Variants in P3H3 observed in about 807,000 individuals in gnomAD.
P3H3 encodes the protein gene rich cluster, B.
P3H3 carries 64 observed loss-of-function variants against 78.1 expected under a neutral mutation model. The ratio of observed to expected loss-of-function variants is 0.82; its 90% confidence interval spans 0.67 to 1.01. The LOEUF (loss-of-function observed/expected upper bound fraction) is 1.01, where lower values mean the gene tolerates loss of function less well. Ranked by LOEUF, P3H3 falls within the 50% of genes least tolerant of loss-of-function variation. The probability of loss-of-function intolerance (pLI) is 0.00; values close to 1 mark genes in which losing one functional copy is unlikely to be tolerated. For synonymous variants in P3H3, 425 were observed against 416.7 expected (o/e 1.02, Z -0.24); for missense variants, 975 against 982.2 (o/e 0.99, Z 0.10).
rs1486412733 is a variant in P3H3 at position 6,831,459 on chromosome 12, T to A, written c.1122+107T>A. On this transcript the variant is annotated intron_variant, in intron 5 of 14. Coordinates refer to ENST00000290510, the MANE Select transcript of P3H3 (RefSeq NM_014262.5). The surrounding 1 kb of genome is among the most constrained non-coding windows in gnomAD (Gnocchi z 4.6). ...CCGCTGGCCTCTTACCCGAGCACTC[T>A]AGTCACCCAAAGGACTCCAAGTCCA... The A allele has an allele frequency of 1.4e-6, 2 of 1,464,862 alleles. No individual in the cohort carries two copies. Among genetic ancestry groups the A allele is most frequent in the Admixed American group, 2.0e-5 (1 of 49,240 alleles). 90.7% of individuals were successfully genotyped at this position (1,464,862 alleles called of 1,614,324 possible).
In P3H3 at chr12:6,829,299, G is replaced by A. The variant is rs1476583429; in HGVS notation, c.498+361G>A. The A allele has an allele frequency of 1.5e-5, 4 of 262,062 alleles. No homozygotes were observed. The highest frequency in any genetic ancestry group is 2.9e-5 in the Non-Finnish European group (4 of 139,392). 16.2% of individuals were successfully genotyped at this position (262,062 alleles called of 1,614,324 possible). On this transcript the variant is annotated intron_variant, in intron 1 of 14. Transcript: ENST00000290510. This position sits in a 1 kb window ranked among gnomAD's most constrained non-coding sequence, Gnocchi z 5.1. ...TGCGTGGGTGTGTGTGTGTGTCGGG[G>A]GTGGTGGTGAGTGTGAACCTTCGCT...
At chr12:6,837,255 G>A (rs560314393) in intron 10 of P3H3, 168 bp from the exon 11 acceptor site, 183 of 1,054,254 alleles carry the variant, frequency 1.7e-4, no homozygotes, top group Non-Finnish European at 1.9e-4. Flanking sequence ...CTGGGGCCGG[G>A]GTTGTTGTCA....
At chr12:6,838,804 C>G (rs940596191) in intron 13 of P3H3, among the ~76,000 whole-genome samples, 196 bp from the exon 14 acceptor site, 1 of 152,152 alleles carries the variant, frequency 6.6e-6, no homozygotes, top group Non-Finnish European at 1.5e-5. Context: ...GTTCCCAACT[C>G]CTCTTGCATT....
Position 6,829,988 on chromosome 12 carries a change from G to A in P3H3, c.628G>A (p.Asp210Asn). 2.5e-6 allele frequency: 4 copies of A among 1,613,940 alleles called. No individual in the cohort carries two copies. The highest frequency in any genetic ancestry group is 3.4e-6 in the Non-Finnish European group (4 of 1,179,884). The change falls in exon 2 of 15, where the codon GAC (aspartate) becomes AAC (asparagine). Residue 210 changes from aspartate (D) to asparagine (N), a missense_variant. Physicochemically the swap from Asp to Asn is conservative, Grantham distance 23 (BLOSUM62 1). Transcript: ENST00000290510. The surrounding 1 kb of genome is among the most constrained non-coding windows in gnomAD (Gnocchi z 5.1). ...GGGAGTTCGGCCCCAGAGCTTCCGGGACCTGGAGACGCCCCCACACTGGGT... is the reference window on the plus strand; with the variant it reads ...GGGAGTTCGGCCCCAGAGCTTCCGGAACCTGGAGACGCCCCCACACTGGGT... ...MSGVRPQSFR[D>N]LETPPHWAAY...
chr12:6,832,245 A>G (rs1943457212), intron 6 of P3H3, among the ~76,000 whole-genome samples: 1 of 152,238 alleles, frequency 6.6e-6, no homozygotes, highest in South Asian at 2.1e-4. Flanking sequence ...AAGCTCTGTT[A>G]CTGCTGCTTT....
In P3H3 at chr12:6,839,729, CTG is replaced by C; in HGVS notation, c.*269_*270del. The stretch of plus-strand genomic sequence containing the variant: ...GACAGATGGGGAACACTGTGCCTCC[CTG>C]AACAGAAATGGCAGGGGAGGAGGCT... On this transcript the variant is annotated 3_prime_UTR_variant, in exon 15 of 15. Coordinates refer to ENST00000290510, the MANE Select transcript of P3H3 (RefSeq NM_014262.5). The C allele has an allele frequency of 2.1e-6, 1 of 476,544 alleles. No individual in the cohort carries two copies. Among genetic ancestry groups the C allele is most frequent in the Non-Finnish European group, 3.8e-6 (1 of 265,038 alleles). The allele number at this position is 476,544 out of a possible 1,614,324, so 29.5% of individuals were successfully genotyped here.
chr12:6,830,134 C>T, intron 2 of P3H3, 123 bp downstream of exon 2: 4 of 1,305,010 alleles, frequency 3.1e-6, no homozygotes, highest in Non-Finnish European at 4.3e-6. Context: ...CTCAGCGACC[C>T]TGGCTGGGAG....
rs1943467654 is a variant in P3H3, at chr12:6,833,399, T to C, written c.1213-193T>C. Reference sequence around the variant, plus strand: ...AGCCCCTAGCAGATAGTAAGTGCTATATGAGTTATAGTTGTACTTGTTGTT... The same window carrying C: ...AGCCCCTAGCAGATAGTAAGTGCTACATGAGTTATAGTTGTACTTGTTGTT... On this transcript the variant is annotated intron_variant, in intron 6 of 14. Coordinates refer to ENST00000290510, the MANE Select transcript of P3H3 (RefSeq NM_014262.5). 3 of 606,044 alleles carry C rather than the reference T, an allele frequency of 5.0e-6. No individual in the cohort carries two copies. In the East Asian group the frequency reaches 8.4e-5, roughly 17 times the overall value. 37.5% of individuals were successfully genotyped at this position (606,044 alleles called of 1,614,324 possible).
In P3H3 at chr12:6,829,316, A is replaced by C; in HGVS notation, c.498+378A>C. On this transcript the variant is annotated intron_variant, in intron 1 of 14. Coordinates refer to ENST00000290510, the MANE Select transcript of P3H3 (RefSeq NM_014262.5). The surrounding 1 kb of genome is among the most constrained non-coding windows in gnomAD (Gnocchi z 5.1). ...GTGTCGGGGGTGGTGGTGAGTGTGA[A>C]CCTTCGCTTGGGGCAGGAGGTAGCT... is the stretch of plus-strand genomic sequence containing the variant. 1 of 237,800 alleles carries C rather than the reference A, an allele frequency of 4.2e-6. No individual in the cohort carries two copies. The highest frequency in any genetic ancestry group is 8.0e-6 in the Non-Finnish European group (1 of 125,062). 14.7% of individuals were successfully genotyped at this position (237,800 alleles called of 1,614,324 possible). A position where few individuals can be genotyped will look rare whatever the true frequency, so the allele number is the denominator to read the frequency against.
In P3H3 at chr12:6,837,220, G is replaced by A. The variant is rs982371704; in HGVS notation, c.1560+134G>A. 65 of 990,674 alleles carry A rather than the reference G, an allele frequency of 6.6e-5. No homozygotes were observed. In the African/African-American group the frequency reaches 8.8e-4, roughly 13 times the overall value. The allele number at this position is 990,674 out of a possible 1,614,324, so 61.4% of individuals were successfully genotyped here. On this transcript the variant is annotated intron_variant, in intron 10 of 14. Coordinates refer to ENST00000290510, the MANE Select transcript of P3H3 (RefSeq NM_014262.5). Reference sequence around the variant, plus strand: ...CCGAGACTACCTGATAGGACCCAGCGTGGAGAAAAGGGATGTTCTGAGAGC... The same window carrying A: ...CCGAGACTACCTGATAGGACCCAGCATGGAGAAAAGGGATGTTCTGAGAGC...
chr12:6,837,139 C>A, intron 10 of P3H3, 53 bp downstream of exon 10: 1 of 1,482,646 alleles, frequency 6.7e-7, no homozygotes, highest in Non-Finnish European at 9.2e-7. Flanking sequence ...GGAGGAGAGG[C>A]TGTGCAGGAA....
chr12:6,832,506 A>G (rs1304476070), intron 6 of P3H3, among the ~76,000 whole-genome samples: 2 of 152,168 alleles, frequency 1.3e-5, no homozygotes, highest in Non-Finnish European at 2.9e-5. Context: ...ATGGCAATCA[A>G]TGTTTCCACA....
At position 6,829,490 on chromosome 12, in the gene P3H3, A is replaced by T; in HGVS notation, c.499-369A>T. The T allele has an allele frequency of 3.6e-6, 1 of 281,240 alleles. No individual in the cohort carries two copies. The highest frequency in any genetic ancestry group is 6.8e-6 in the Non-Finnish European group (1 of 147,394). 17.4% of individuals were successfully genotyped at this position (281,240 alleles called of 1,614,324 possible). A position where few individuals can be genotyped will look rare whatever the true frequency, so the allele number is the denominator to read the frequency against. On this transcript the variant is annotated intron_variant, in intron 1 of 14. Transcript: ENST00000290510. The surrounding 1 kb of genome is among the most constrained non-coding windows in gnomAD (Gnocchi z 5.1). ...GCGGGGCGCCGGTTGTACTCACCTC[A>T]GCTCAGGGTCCTAGAGACCTGCGGG...
In P3H3 at chr12:6,829,164, G is replaced by A; in HGVS notation, c.498+226G>A. 2.6e-6 allele frequency: 1 copy of A among 392,002 alleles called. No individual in the cohort carries two copies. The highest frequency in any genetic ancestry group is 3.6e-5 in the East Asian group (1 of 27,608). 24.3% of individuals were successfully genotyped at this position (392,002 alleles called of 1,614,324 possible). On this transcript the variant is annotated intron_variant, in intron 1 of 14. Coordinates refer to ENST00000290510, the MANE Select transcript of P3H3 (RefSeq NM_014262.5). The surrounding 1 kb of genome is among the most constrained non-coding windows in gnomAD (Gnocchi z 5.1). Reference sequence around the variant, plus strand: ...GCGAGCAGAATGGGAATGGGGCGGGGAGGTCGTGAGGTGGGACGGGAGCAG... The same window carrying A: ...GCGAGCAGAATGGGAATGGGGCGGGAAGGTCGTGAGGTGGGACGGGAGCAG...
Position 6,839,447 on chromosome 12 carries a change from C to T in P3H3, c.2197C>T (p.Arg733Trp), listed in dbSNP as rs1048589361. The T allele has an allele frequency of 1.5e-5, 24 of 1,551,040 alleles. No homozygotes were observed. In the Admixed American group the frequency reaches 2.9e-4, roughly 19 times the overall value. ...QDKTGRAPRVREEL is the reference protein window; with the variant it reads ...QDKTGRAPRVWEEL ...CAAGACTGGAAGGGCACCTCGGGTTCGGGAGGAGCTGTGAGTGGCTGAGCC... is the reference window on the plus strand; with the variant it reads ...CAAGACTGGAAGGGCACCTCGGGTTTGGGAGGAGCTGTGAGTGGCTGAGCC... Residue 733 changes from arginine to tryptophan, a missense_variant, in exon 15 of 15, where the codon CGG becomes TGG. Transcript: ENST00000290510.
In P3H3 at chr12:6,833,956, C is replaced by T; in HGVS notation, c.1365C>T (p.Thr455=). ...DVLLLEGVTL[T]QDSRQLNGSE... ...TTCTCCTGGAGGGTGTGACCTTGAC[C>T]CAGGATTCCAGGCAGCTGAATGGGT... is the stretch of plus-strand genomic sequence containing the variant. The change falls in exon 9 of 15, where the codon ACC becomes ACT. Residue 455 remains threonine (T), a synonymous_variant. Transcript: ENST00000290510. 6.2e-7 allele frequency: 1 copy of T among 1,613,920 alleles called. No homozygotes were observed. The highest frequency in any genetic ancestry group is 1.1e-5 in the South Asian group (1 of 91,076).
rs1943449643 is a variant in P3H3 at position 6,831,353 on chromosome 12, G to A, written c.1122+1G>A. On this transcript the variant is annotated splice_donor_variant, in intron 5 of 14. Coordinates refer to ENST00000290510, the MANE Select transcript of P3H3 (RefSeq NM_014262.5). LOFTEE classifies it high-confidence loss of function. This position sits in a 1 kb window ranked among gnomAD's most constrained non-coding sequence, Gnocchi z 4.6. ...GAGACCTGGCCTCGGACCCAGAGAG[G>A]TAATCCCCTCTCCACGCTCACCTGG... The A allele has an allele frequency of 1.9e-6, 3 of 1,613,410 alleles. No individual in the cohort carries two copies. The highest frequency in any genetic ancestry group is 2.2e-5 in the East Asian group (1 of 44,874).
rs782802813 is a variant in P3H3, at chr12:6,839,297, G to A, written c.2047G>A (p.Glu683Lys). The A allele has an allele frequency of 4.5e-6, 7 of 1,553,466 alleles. No individual in the cohort carries two copies. The East Asian group carries it at 9.7e-5, about 22-fold the overall frequency. Reference sequence around the variant, plus strand: ...GCCACACTCTCCTCCCCAACCCCAGGAGTGGATAGAAGCCAAAGAACTGCT... The same window carrying A: ...GCCACACTCTCCTCCCCAACCCCAGAAGTGGATAGAAGCCAAAGAACTGCT... The part of the protein sequence containing the change: ...HTWAPEHREQ[E>K]WIEAKELLQE... Residue 683 changes from glutamate to lysine, a missense_variant and splice_region_variant, in exon 15 of 15, where the codon GAG becomes AAG. Transcript: ENST00000290510.
Position 6,831,148 on chromosome 12 carries a change from C to T in P3H3, c.986-68C>T. 1 of 1,601,114 alleles carries T rather than the reference C, an allele frequency of 6.2e-7. No homozygotes were observed. The highest frequency in any genetic ancestry group is 8.6e-7 in the Non-Finnish European group (1 of 1,168,824). On this transcript the variant is annotated intron_variant, in intron 4 of 14. Transcript: ENST00000290510. This position sits in a 1 kb window ranked among gnomAD's most constrained non-coding sequence, Gnocchi z 4.6. ...GAGACCACCTTCTCCAGCACTGCCTCTGCCCCAAGGATCAATGTGCTCTAA... is the reference window on the plus strand; with the variant it reads ...GAGACCACCTTCTCCAGCACTGCCTTTGCCCCAAGGATCAATGTGCTCTAA...
Sources: allele counts gnomAD v4.1 joint callset (sites outside exome capture counted in the v4.1 genomes callset), GRCh38; gene constraint gnomAD v4.1.1; non-coding constraint Gnocchi (gnomAD v3.1); transcripts MANE v1.5; gene names NCBI Gene and HGNC (gene_info 2026-07-23, HGNC 2026-07-21).